The following ZNF521 variants were observed in gnomAD, a reference collection of about 807,000 sequenced individuals.
ZNF521 encodes the protein zinc finger protein 521, also known as LYST-interacting protein 3.
In ZNF521, 14 loss-of-function variants were observed where a neutral mutation model predicts 105.5. The ratio of observed to expected loss-of-function variants is 0.13; its 90% confidence interval spans 0.09 to 0.21. The LOEUF (loss-of-function observed/expected upper bound fraction) is 0.21, where lower values mean the gene tolerates loss of function less well. ZNF521 is among the 10% of genes least tolerant of loss of function. ZNF521 has a pLI of 1.00. For synonymous variants in ZNF521, 635 were observed against 606.0 expected (o/e 1.05, Z -0.70); for missense variants, 1,233 against 1,629.7 (o/e 0.76, Z 4.19).
At chr18:25,304,800 C>A (rs1911878074) in intron 3 of ZNF521, among the ~76,000 whole-genome samples, 1 of 152,246 alleles carries the variant, frequency 6.6e-6, no homozygotes, top group Non-Finnish European at 1.5e-5. Flanking sequence ...TCCATATTAG[C>A]CATTCTGGTA....
chr18:25,327,024 C>T (rs915098441), intron 2 of ZNF521, among the ~76,000 whole-genome samples: 5 of 152,072 alleles, frequency 3.3e-5, no homozygotes, highest in African/African-American at 4.8e-5. Context: ...CTGAAAAAAA[C>T]AAGTCTTAGC....
chr18:25,229,506 T>C (rs2144750145), intron 3 of ZNF521, among the ~76,000 whole-genome samples: 1 of 152,000 alleles, frequency 6.6e-6, no homozygotes, highest in South Asian at 2.1e-4. Context: ...CAGGAACATA[T>C]GCAGATAAAC....
At chr18:25,258,832 C>T (rs1270467830) in intron 3 of ZNF521, among the ~76,000 whole-genome samples, 1 of 152,174 alleles carries the variant, frequency 6.6e-6, no homozygotes, top group African/African-American at 2.4e-5. Flanking sequence ...TCTCCATCTA[C>T]ACAACAGGGT....
chr18:25,295,969 G>A (rs1911300773), intron 3 of ZNF521, among the ~76,000 whole-genome samples: 1 of 152,144 alleles, frequency 6.6e-6, no homozygotes, highest in Non-Finnish European at 1.5e-5. Flanking sequence ...CACACTTTTT[G>A]CTAATTTGAC....
Position 25,216,145 on chromosome 18 carries a change from C to T in ZNF521, c.3573+8200G>A, listed in dbSNP as rs13353214. Among the ~76,000 whole-genome samples the T allele has an allele frequency of 5.6e-3, 858 of 152,028 alleles. 9 individuals carry two copies. Among genetic ancestry groups the T allele is most frequent in the African/African-American group, 0.02 (810 of 41,478 alleles). ...TATTTTTTAATCAACCTGTTTTTTT[C>T]AGCCTCATAGGGAAATTCTGATGAA... On this transcript the variant is annotated intron_variant, in intron 4 of 7. Transcript: ENST00000361524.
At chr18:25,150,884 C>CT (rs200357756) in intron 5 of ZNF521, among the ~76,000 whole-genome samples, 5 of 137,956 alleles carry the variant, frequency 3.6e-5, no homozygotes, top group Non-Finnish European at 4.9e-5. Context: ...CTTTTTTTTT[C>CT]TTTTTTCTTT....
intron 2 of ZNF521, among the ~76,000 whole-genome samples, chr18:25,335,403 T>G (rs1162241917): frequency 7.9e-5 from 12 of 152,122 alleles, no homozygotes; most frequent in Non-Finnish European, 1.2e-4. Context: ...CTGTATCCTC[T>G]CCTGTCCTCA....
chr18:25,266,747 A>G (rs1909284396), intron 3 of ZNF521, among the ~76,000 whole-genome samples: 1 of 152,172 alleles, frequency 6.6e-6, no homozygotes, highest in Non-Finnish European at 1.5e-5. Context: ...CACGGTCTTC[A>G]CAACCCACAG....
chr18:25,210,040 T>C (rs563408350), intron 4 of ZNF521, among the ~76,000 whole-genome samples: 1 of 152,170 alleles, frequency 6.6e-6, no homozygotes. Flanking sequence ...TTCTACATTA[T>C]AATAACAAAT....
Position 25,226,280 on chromosome 18 carries a change from A to T in ZNF521, c.1638T>A (p.Ser546=), listed in dbSNP as rs1906119946. The change falls in exon 4 of 8, where the codon TCT becomes TCA. Residue 546 remains serine (S), a synonymous_variant. Coordinates refer to ENST00000361524, the MANE Select transcript of ZNF521 (RefSeq NM_015461.3). This position sits in a 1 kb window ranked among gnomAD's most constrained non-coding sequence, Gnocchi z 4.1. ...HCDLSGSRFG[S]PVLGTPKEPV... is the part of the protein sequence containing the mutation. ...GTTCTTTGGGAGTCCCAAGCACTGG[A>T]GACCCAAATCGGGAGCCACTGAGGT... The T allele has an allele frequency of 6.2e-7, 1 of 1,614,186 alleles. No individual in the cohort carries two copies. The highest frequency in any genetic ancestry group is 8.5e-7 in the Non-Finnish European group (1 of 1,180,030).
intron 3 of ZNF521, among the ~76,000 whole-genome samples, chr18:25,247,676 A>G (rs150493627): frequency 5.8e-4 from 89 of 152,316 alleles, no homozygotes; most frequent in Admixed American, 3.9e-4. Flanking sequence ...TATGGCCCCA[A>G]GTTTATTTGC....
chr18:25,317,897 G>C (rs988010589), intron 3 of ZNF521, among the ~76,000 whole-genome samples: 1 of 152,088 alleles, frequency 6.6e-6, no homozygotes, highest in African/African-American at 2.4e-5. Flanking sequence ...TTGAAAAAGG[G>C]TTTGGAAGTT....
At chr18:25,297,171 C>A (rs919299881) in intron 3 of ZNF521, among the ~76,000 whole-genome samples, 2 of 150,954 alleles carry the variant, frequency 1.3e-5, no homozygotes, top group Non-Finnish European at 3.0e-5. Context: ...TTAAAATGGG[C>A]CATAAAACAA....
At chr18:25,339,913 C>G (rs1022915539) in intron 2 of ZNF521, among the ~76,000 whole-genome samples, 1 of 152,192 alleles carries the variant, frequency 6.6e-6, no homozygotes, top group Non-Finnish European at 1.5e-5. Context: ...AATCCACAAT[C>G]TAAGCCTAGA....
At chr18:25,273,220 CAAAAAAAAA>C (rs67381140) in intron 3 of ZNF521, among the ~76,000 whole-genome samples, 719 of 40,884 alleles carry the variant, frequency 0.018, 15 homozygotes, top group African/African-American at 0.054. Flanking sequence ...ACCCTGTCTC[CAAAAAAAAA>C]AAAAAAAAAA....
intron 3 of ZNF521, among the ~76,000 whole-genome samples, chr18:25,231,173 G>A (rs1184860964): frequency 2.6e-5 from 4 of 152,158 alleles, no homozygotes; most frequent in African/African-American, 9.7e-5. Context: ...ACACCCAGCC[G>A]CTGAAGGCCT....
chr18:25,264,964 A>G (rs770324006), intron 3 of ZNF521, among the ~76,000 whole-genome samples: 1 of 152,172 alleles, frequency 6.6e-6, no homozygotes, highest in Non-Finnish European at 1.5e-5. Flanking sequence ...AAATAACAGC[A>G]TATTCCTCTG....
chr18:25,273,106 A>C (rs1265863067), intron 3 of ZNF521, among the ~76,000 whole-genome samples: 1 of 150,642 alleles, frequency 6.6e-6, no homozygotes, highest in Non-Finnish European at 1.5e-5. Context: ...ATGCACCTGT[A>C]GTCCCAGCTA....
At chr18:25,306,377 T>G (rs1278311106) in intron 3 of ZNF521, among the ~76,000 whole-genome samples, 1 of 152,212 alleles carries the variant, frequency 6.6e-6, no homozygotes, top group Non-Finnish European at 1.5e-5. Flanking sequence ...TAAATTTGTC[T>G]GGTAATTTCT....
Sources: gnomAD v4.1 joint callset for allele counts (sites outside exome capture counted in the v4.1 genomes callset) on GRCh38, gnomAD v4.1.1 for gene constraint, Gnocchi (gnomAD v3.1) non-coding constraint, MANE v1.5 for transcripts, NCBI Gene and HGNC (gene_info 2026-07-23, HGNC 2026-07-21) for gene names.